The following CORIN variants were observed in gnomAD, a reference collection of about 807,000 sequenced individuals.
CORIN encodes corin, serine peptidase, also known as atrial natriuretic peptide-converting enzyme.
Under a neutral mutation model 125.3 loss-of-function variants are expected in CORIN, and 117 were observed. The observed-to-expected ratio is 0.93, with a 90% CI of 0.80 to 1.09. The LOEUF (loss-of-function observed/expected upper bound fraction) is 1.09, where lower values mean the gene tolerates loss of function less well. CORIN is among the 50% of genes least tolerant of loss of function. CORIN has a pLI of 0.00. For missense variants in CORIN, 1,253 were observed against 1,306.7 expected (o/e 0.96, Z 0.63); for synonymous variants, 450 against 466.4 (o/e 0.96, Z 0.45).
chr4:47,779,372 T>G (rs1280048689), intron 3 of CORIN, among the ~76,000 whole-genome samples: 1 of 152,112 alleles, frequency 6.6e-6, no homozygotes, highest in African/African-American at 2.4e-5. Flanking sequence ...GCCTGATGAG[T>G]AGTAATCCAG....
chr4:47,626,565 T>C, intron 16 of CORIN, 44 bp from the exon 17 acceptor site: 2 of 1,151,524 alleles, frequency 1.7e-6, no homozygotes, highest in Non-Finnish European at 1.3e-6. Flanking sequence ...AGTACAATGA[T>C]CTTTGAACAG....
chr4:47,821,226 C>A (rs1294121009), intron 1 of CORIN, among the ~76,000 whole-genome samples: 2 of 151,678 alleles, frequency 1.3e-5, no homozygotes, highest in African/African-American at 4.8e-5. Flanking sequence ...CAGAGCGAGA[C>A]CCCATCTCAA....
intron 3 of CORIN, among the ~76,000 whole-genome samples, chr4:47,771,201 T>A (rs1415448435): frequency 6.6e-6 from 1 of 152,134 alleles, no homozygotes; most frequent in Non-Finnish European, 1.5e-5. Flanking sequence ...TTGGTGCCTG[T>A]TCCTGGCTGT....
chr4:47,837,959 G>C lies in CORIN; in HGVS notation c.-10C>G, dbSNP rs1047529348. On this transcript the variant is annotated 5_prime_UTR_variant, in exon 1 of 22. Transcript: ENST00000273857. ...CAGGAGACTGTTTCATGGATAAAAAGTCTCGCTTATTCTTCTGTCCACTTT... is the reference window on the plus strand; with the variant it reads ...CAGGAGACTGTTTCATGGATAAAAACTCTCGCTTATTCTTCTGTCCACTTT... 1 of 1,611,786 alleles carries C rather than the reference G, an allele frequency of 6.2e-7. No homozygotes were observed. The highest frequency in any genetic ancestry group is 1.3e-5 in the African/African-American group (1 of 75,056).
rs1426896351 is a variant in CORIN at position 47,594,858 on chromosome 4, C to T, written c.*863G>A. 1 of 152,102 alleles carries T rather than the reference C, an allele frequency of 6.6e-6. No homozygotes were observed. Among genetic ancestry groups the T allele is most frequent in the Non-Finnish European group, 1.5e-5 (1 of 68,014 alleles). 9.4% of individuals were successfully genotyped at this position (152,102 alleles called of 1,614,324 possible). A position where few individuals can be genotyped will look rare whatever the true frequency, so the allele number is the denominator to read the frequency against. ...GTCTCAATCAGCCAACTCATATATC[C>T]TGAACAAACCCAGCTATGAGGACAG... On this transcript the variant is annotated 3_prime_UTR_variant, in exon 22 of 22. Transcript: ENST00000273857.
chr4:47,615,715 A>G (rs933529917), intron 19 of CORIN, among the ~76,000 whole-genome samples: 18 of 152,212 alleles, frequency 1.2e-4, no homozygotes, highest in African/African-American at 4.3e-4. Context: ...CTCAACACTC[A>G]GAAGGAAGAA....
At chr4:47,659,134 T>A (rs1355297168) in intron 12 of CORIN, among the ~76,000 whole-genome samples, 1 of 152,224 alleles carries the variant, frequency 6.6e-6, no homozygotes, top group Non-Finnish European at 1.5e-5. Flanking sequence ...CATTTCCATC[T>A]GAGATCTCAT....
chr4:47,754,042 T>C (rs1416678622), intron 4 of CORIN, among the ~76,000 whole-genome samples: 2 of 152,230 alleles, frequency 1.3e-5, no homozygotes, highest in Non-Finnish European at 1.5e-5. Context: ...AGAAAAGTAC[T>C]GCACAGAGCT....
At chr4:47,800,318 G>A (rs918205436) in intron 2 of CORIN, among the ~76,000 whole-genome samples, 1 of 151,926 alleles carries the variant, frequency 6.6e-6, no homozygotes, top group Non-Finnish European at 1.5e-5. Flanking sequence ...CCCACTTAAA[G>A]CAAAGCATTC....
At chr4:47,648,857 T>C (rs1299543382) in intron 13 of CORIN, among the ~76,000 whole-genome samples, 1 of 152,170 alleles carries the variant, frequency 6.6e-6, no homozygotes, top group Non-Finnish European at 1.5e-5. Flanking sequence ...AGGAAGTGGC[T>C]GTGGATGTGA....
At chr4:47,825,247 C>T (rs1341143572) in intron 1 of CORIN, among the ~76,000 whole-genome samples, 1 of 152,222 alleles carries the variant, frequency 6.6e-6, no homozygotes, top group East Asian at 1.9e-4. Context: ...CGATGGAAAG[C>T]CAGCCTCAGA....
At chr4:47,706,523 T>C (rs888712631) in intron 5 of CORIN, 2 of 1,611,472 alleles carry the variant, frequency 1.2e-6, no homozygotes, top group Non-Finnish European at 1.7e-6. Context: ...GCGCGCCAAC[T>C]GGGCTACAAG....
At chr4:47,711,287 C>T (rs1186044492) in intron 5 of CORIN, among the ~76,000 whole-genome samples, 1 of 152,200 alleles carries the variant, frequency 6.6e-6, no homozygotes, top group Admixed American at 6.5e-5. Flanking sequence ...GAATGCACTC[C>T]CCGCGTTTTT....
intron 19 of CORIN, among the ~76,000 whole-genome samples, chr4:47,622,284 A>G (rs1239756954): frequency 1.3e-5 from 2 of 151,192 alleles, no homozygotes; most frequent in African/African-American, 4.9e-5. Context: ...AGTCCTTGCT[A>G]TTGTGAATAA....
intron 1 of CORIN, among the ~76,000 whole-genome samples, chr4:47,832,010 A>C (rs1317756802): frequency 1.3e-5 from 2 of 152,230 alleles, no homozygotes; most frequent in South Asian, 4.1e-4. Flanking sequence ...TGATTAAATT[A>C]AACACTTGGT....
At chr4:47,738,839 C>T (rs1728253910) in intron 5 of CORIN, among the ~76,000 whole-genome samples, 1 of 151,482 alleles carries the variant, frequency 6.6e-6, no homozygotes, top group Non-Finnish European at 1.5e-5. Context: ...AGAGCAATGG[C>T]TCAAAAAATA....
In CORIN at chr4:47,693,001, G is replaced by A; in HGVS notation, c.882C>T (p.Asp294=). 1.9e-6 allele frequency: 3 copies of A among 1,613,834 alleles called. No individual in the cohort carries two copies. The highest frequency in any genetic ancestry group is 2.5e-6 in the Non-Finnish European group (3 of 1,179,836). ...PGKLQCNGYN[D]CDDWSDEAHC... ...GAGCCTCGTCACTCCAGTCGTCACA[G>A]TCGTTGTAGCCATTACATTGCAGTT... Residue 294 remains aspartate, a synonymous_variant, in exon 6 of 22, where the codon GAC becomes GAT. Coordinates refer to ENST00000273857, the MANE Select transcript of CORIN (RefSeq NM_006587.4).
intron 5 of CORIN, among the ~76,000 whole-genome samples, chr4:47,716,781 C>T (rs944746696): frequency 4.6e-5 from 7 of 151,994 alleles, no homozygotes; most frequent in African/African-American, 1.7e-4. Context: ...TTCTGTGCAT[C>T]AACTTTTAAA....
intron 19 of CORIN, among the ~76,000 whole-genome samples, chr4:47,623,090 C>CTG (rs1455350290): frequency 8.7e-6 from 1 of 114,946 alleles, no homozygotes; most frequent in Non-Finnish European, 1.7e-5. Flanking sequence ...CTCTCTCTCT[C>CTG]TCTCTCTATA....
Sources: allele counts gnomAD v4.1 joint callset (sites outside exome capture counted in the v4.1 genomes callset), GRCh38; gene constraint gnomAD v4.1.1; transcripts MANE v1.5; gene names NCBI Gene and HGNC (gene_info 2026-07-23, HGNC 2026-07-21).